Variants in ZNF471 observed in about 807,000 individuals in gnomAD.
ZNF471 encodes zinc finger protein 471, also known as EZFIT-related protein 1.
Under a neutral mutation model 13.7 loss-of-function variants are expected in ZNF471, and 7 were observed. The ratio of observed to expected loss-of-function variants is 0.51; its 90% CI spans 0.29 to 0.96. The LOEUF (loss-of-function observed/expected upper bound fraction) is 0.96. Among genes scored for constraint, ZNF471 ranks in the 40% least tolerant of loss-of-function variants. The pLI, the probability that ZNF471 is intolerant of heterozygous loss-of-function variation, is 0.08. For missense variants in ZNF471, 663 were observed against 743.3 expected, an observed-to-expected ratio of 0.89 and a Z score of 1.26; for synonymous variants, 218 against 235.6, an observed-to-expected ratio of 0.93 and a Z score of 0.68.
chr19:56,521,526 C>T (rs1340807417), intron 4 of ZNF471, among the ~76,000 whole-genome samples: 1 of 147,894 alleles, frequency 6.8e-6, no homozygotes, highest in Non-Finnish European at 1.5e-5. Context: ...GTAGTCCCAG[C>T]TACTCGAGAG....
At chr19:56,512,943 C>T (rs910823917) in intron 2 of ZNF471, among the ~76,000 whole-genome samples, 1 of 152,098 alleles carries the variant, frequency 6.6e-6, no homozygotes, top group African/African-American at 2.4e-5. Context: ...TATTAAAAAA[C>T]ATTTACATGG....
At chr19:56,512,854 A>T (rs1463271166) in intron 2 of ZNF471, among the ~76,000 whole-genome samples, 1 of 152,192 alleles carries the variant, frequency 6.6e-6, no homozygotes, top group Non-Finnish European at 1.5e-5. Flanking sequence ...TAATTAATTT[A>T]TATGCTTCAT....
chr19:56,525,221 G>C lies in ZNF471; in HGVS notation c.1154G>C (p.Ser385Thr). Residue 385 changes from serine (S) to threonine (T), a missense_variant, in exon 5 of 5, where the codon AGT becomes ACT. Transcript: ENST00000308031. ...TGCATTGATTGTGGGAAAGCCTTCAGTGTTCACATAGGACTTATTCTGCAT... is the reference window on the plus strand; with the variant it reads ...TGCATTGATTGTGGGAAAGCCTTCACTGTTCACATAGGACTTATTCTGCAT... ...FNCIDCGKAF[S>T]VHIGLILHRR... The C allele has an allele frequency of 6.2e-7, 1 of 1,614,080 alleles. No individual in the cohort carries two copies. The highest frequency in any genetic ancestry group is 8.5e-7 in the Non-Finnish European group (1 of 1,180,000).
In ZNF471 at chr19:56,528,733, AAGAATT is replaced by A. The variant is rs2044076385; in HGVS notation, c.*2792_*2797del. 6.6e-6 allele frequency: 1 copy of A among 152,222 alleles called. No homozygotes were observed. Among genetic ancestry groups the A allele is most frequent in the Non-Finnish European group, 1.5e-5 (1 of 68,042 alleles). The allele number at this position is 152,222 out of a possible 1,614,324, so 9.4% of individuals were successfully genotyped here. On this transcript the variant is annotated 3_prime_UTR_variant, in exon 5 of 5. Coordinates refer to ENST00000308031, the MANE Select transcript of ZNF471 (RefSeq NM_020813.4). ...ATATAGCTCTGGATAAAACGAACAA[AAGAATT>A]AGAATTCCTGCGGGGAATATATACA...
chr19:56,528,497 C>T lies in ZNF471; in HGVS notation c.*2549C>T, dbSNP rs1320739237. On this transcript the variant is annotated 3_prime_UTR_variant, in exon 5 of 5. Coordinates refer to ENST00000308031, the MANE Select transcript of ZNF471 (RefSeq NM_020813.4). ...AACTCCTGTGCTCAAGTGACCCTCCCACCTCATTCTCAAGTGGCTGCAATT... is the reference window on the plus strand; with the variant it reads ...AACTCCTGTGCTCAAGTGACCCTCCTACCTCATTCTCAAGTGGCTGCAATT... 2 of 152,146 alleles carry T rather than the reference C, an allele frequency of 1.3e-5. No homozygotes were observed. Among genetic ancestry groups the T allele is most frequent in the Non-Finnish European group, 2.9e-5 (2 of 68,048 alleles). The allele number at this position is 152,146 out of a possible 1,614,324, so 9.4% of individuals were successfully genotyped here.
intron 2 of ZNF471, among the ~76,000 whole-genome samples, chr19:56,514,944 A>G (rs936346767): frequency 6.6e-6 from 1 of 152,224 alleles, no homozygotes; most frequent in Non-Finnish European, 1.5e-5. Flanking sequence ...CTTACTCAGT[A>G]TTAATCCTCC....
At position 56,522,173 on chromosome 19, in the gene ZNF471, A is replaced by T. The variant is rs1056314996; in HGVS notation, c.257-2151A>T. On this transcript the variant is annotated intron_variant, in intron 4 of 4. Coordinates refer to ENST00000308031, the MANE Select transcript of ZNF471 (RefSeq NM_020813.4). The surrounding 1 kb of genome is among the most constrained non-coding windows in gnomAD (Gnocchi z 4.1). ...GTACGCTCTGTAATTGCCCATCCGTAATGATGCATTTCTCAGAGCATTTCT... is the reference window on the plus strand; with the variant it reads ...GTACGCTCTGTAATTGCCCATCCGTTATGATGCATTTCTCAGAGCATTTCT... Among the ~76,000 whole-genome samples, 2 of 152,154 alleles carry T rather than the reference A, an allele frequency of 1.3e-5. No individual in the cohort carries two copies. The highest frequency in any genetic ancestry group is 1.3e-4 in the Admixed American group (2 of 15,280).
Position 56,527,668 on chromosome 19 carries a change from T to C in ZNF471, c.*1720T>C, listed in dbSNP as rs1176094319. 6.6e-6 allele frequency: 1 copy of C among 152,190 alleles called. No individual in the cohort carries two copies. The highest frequency in any genetic ancestry group is 2.4e-5 in the African/African-American group (1 of 41,448). 9.4% of individuals were successfully genotyped at this position (152,190 alleles called of 1,614,324 possible). A position where few individuals can be genotyped will look rare whatever the true frequency, so the allele number is the denominator to read the frequency against. On this transcript the variant is annotated 3_prime_UTR_variant, in exon 5 of 5. Coordinates refer to ENST00000308031, the MANE Select transcript of ZNF471 (RefSeq NM_020813.4). ...GAGCTGAAAAACACAGCATGAGAAC[T>C]TCGTGAAGCATACAGAAGAAAAACC...
In ZNF471 at chr19:56,518,569, C is replaced by T. The variant is rs571883054; in HGVS notation, c.248C>T (p.Pro83Leu). The change falls in exon 4 of 5, where the codon CCA becomes CTA. Residue 83 changes from proline to leucine, a missense_variant. By Grantham distance (98) the Pro-to-Leu change is moderately conservative. Coordinates refer to ENST00000308031, the MANE Select transcript of ZNF471 (RefSeq NM_020813.4). ...ATGACGAGTGAGATGACAAGAAGCC[C>T]ATTCTCAGGTGAGTGTGGAAGAACC... ...WEMTSEMTRS[P>L]FSDWESIYVT... The T allele has an allele frequency of 2.8e-4, 445 of 1,612,914 alleles. 3 individuals are homozygous for T. The South Asian group carries it at 4.3e-3, about 15-fold the overall frequency.
At chr19:56,515,045 T>C (rs12986047) in intron 2 of ZNF471, among the ~76,000 whole-genome samples, 35,086 of 152,126 alleles carry the variant, frequency 0.23, 4,256 homozygotes, top group Middle Eastern at 0.26. Flanking sequence ...ATGCTATCCA[T>C]TGGGATTTAC....
Position 56,524,610 on chromosome 19 carries a change from A to T in ZNF471, c.543A>T (p.Thr181=). Residue 181 remains threonine (T), a synonymous_variant, in exon 5 of 5, where the codon ACA becomes ACT. Transcript: ENST00000308031. The surrounding 1 kb of genome is among the most constrained non-coding windows in gnomAD (Gnocchi z 4.8). ...TAGAAGAGAGTATTTATAATCACAC[A>T]TCAGATAAAAAAAGCTTCTCCAAAA... ...ENIEESIYNH[T]SDKKSFSKNS... 6.3e-7 allele frequency: 1 copy of T among 1,589,254 alleles called. No homozygotes were observed. Among genetic ancestry groups the T allele is most frequent in the Non-Finnish European group, 8.5e-7 (1 of 1,173,738 alleles).
intron 3 of ZNF471, among the ~76,000 whole-genome samples, chr19:56,517,207 T>C (rs1486174126): frequency 6.7e-6 from 1 of 148,790 alleles, no homozygotes; most frequent in African/African-American, 2.5e-5. Flanking sequence ...AGTGGCGCAA[T>C]CTTGGCCCAC....
Position 56,525,021 on chromosome 19 carries a change from T to C in ZNF471, c.954T>C (p.Tyr318=). The change falls in exon 5 of 5, where the codon TAT becomes TAC. Residue 318 remains tyrosine, a synonymous_variant. Coordinates refer to ENST00000308031, the MANE Select transcript of ZNF471 (RefSeq NM_020813.4). ...GAATTCATACTGGAGAGAAACCCTA[T>C]GAATGTAAAGAATGTGGCAAAGCCT... ...HQRIHTGEKP[Y]ECKECGKAFS... The C allele has an allele frequency of 1.2e-6, 2 of 1,614,018 alleles. No homozygotes were observed. The highest frequency in any genetic ancestry group is 1.7e-6 in the Non-Finnish European group (2 of 1,179,958).
At chr19:56,514,777 G>C (rs560213841) in intron 2 of ZNF471, among the ~76,000 whole-genome samples, 44 of 152,180 alleles carry the variant, frequency 2.9e-4, no homozygotes, top group African/African-American at 1.0e-3. Flanking sequence ...TTTCCATACT[G>C]TACTGTTTGT....
Position 56,516,217 on chromosome 19 carries a change from C to T in ZNF471, c.34-58C>T. The T allele has an allele frequency of 1.3e-6, 2 of 1,578,962 alleles. No individual in the cohort carries two copies. The highest frequency in any genetic ancestry group is 1.1e-5 in the South Asian group (1 of 88,614). Reference sequence around the variant, plus strand: ...CTAAAGTAGAGACACTTTGGATCAACTCAGAGTTATCTTTGGACACGAGCA... The same window carrying T: ...CTAAAGTAGAGACACTTTGGATCAATTCAGAGTTATCTTTGGACACGAGCA... On this transcript the variant is annotated intron_variant, in intron 2 of 4. Coordinates refer to ENST00000308031, the MANE Select transcript of ZNF471 (RefSeq NM_020813.4). This position sits in a 1 kb window ranked among gnomAD's most constrained non-coding sequence, Gnocchi z 4.4.
chr19:56,514,266 T>G (rs2043851315), intron 2 of ZNF471, among the ~76,000 whole-genome samples: 1 of 152,014 alleles, frequency 6.6e-6, no homozygotes, highest in South Asian at 2.1e-4. Context: ...TTTGCCATGT[T>G]GTCCTTGCCA....
intron 2 of ZNF471, among the ~76,000 whole-genome samples, chr19:56,512,979 G>A (rs2043831801): frequency 6.6e-6 from 1 of 152,040 alleles, no homozygotes; most frequent in Non-Finnish European, 1.5e-5. Context: ...GTCTTCCTCA[G>A]CATTAAAACC....
intron 4 of ZNF471, among the ~76,000 whole-genome samples, chr19:56,519,395 CAG>C (rs1274008924): frequency 6.6e-6 from 1 of 152,174 alleles, no homozygotes; most frequent in Non-Finnish European, 1.5e-5. Flanking sequence ...AATATCAAAT[CAG>C]AGCTAAAAAA....
rs1252706925 is a variant in ZNF471 at position 56,526,591 on chromosome 19, T to C, written c.*643T>C. The stretch of plus-strand genomic sequence containing the variant: ...CCCATGCCCACTGAGCCCAGCAAGC[T>C]AAGATCCACTGGCTTGGAATTCTCC... On this transcript the variant is annotated 3_prime_UTR_variant, in exon 5 of 5. Coordinates refer to ENST00000308031, the MANE Select transcript of ZNF471 (RefSeq NM_020813.4). 2.0e-5 allele frequency: 3 copies of C among 152,314 alleles called. No individual in the cohort carries two copies. Among genetic ancestry groups the C allele is most frequent in the African/African-American group, 7.2e-5 (3 of 41,448 alleles). The allele number at this position is 152,314 out of a possible 1,614,324, so 9.4% of individuals were successfully genotyped here.
Sources: allele counts gnomAD v4.1 joint callset (sites outside exome capture counted in the v4.1 genomes callset), GRCh38; gene constraint gnomAD v4.1.1; non-coding constraint Gnocchi (gnomAD v3.1); transcripts MANE v1.5; gene names NCBI Gene and HGNC (gene_info 2026-07-23, HGNC 2026-07-21).